Variants in CA10 observed in about 807,000 individuals in gnomAD.
CA10 encodes carbonic anhydrase-related protein 10.
A neutral mutation model predicts 44.2 loss-of-function variants in CA10; 14 were observed. That is an observed-to-expected ratio of 0.32 (90% CI 0.21 to 0.50). The LOEUF (loss-of-function observed/expected upper bound fraction) is 0.50, where lower values mean the gene tolerates loss of function less well. CA10 is among the 20% of genes least tolerant of loss of function. The pLI is 0.99. For synonymous variants in CA10, 159 were observed against 141.6 expected (o/e 1.12, Z -0.87); for missense variants, 350 against 409.7 (o/e 0.85, Z 1.26).
At chr17:52,001,200 A>G (rs1258455592) in intron 2 of CA10, among the ~76,000 whole-genome samples, 1 of 151,932 alleles carries the variant, frequency 6.6e-6, no homozygotes, top group Non-Finnish European at 1.5e-5. Flanking sequence ...ATGTTTTTAA[A>G]TTTTCAAAGG....
chr17:52,156,866 G>C (rs894516469), intron 1 of CA10, among the ~76,000 whole-genome samples: 1 of 152,150 alleles, frequency 6.6e-6, no homozygotes, highest in Non-Finnish European at 1.5e-5. Context: ...GGGGAATACT[G>C]CTGGTCCAGG....
In CA10 at chr17:52,049,056, A is replaced by C. The variant is rs145051903; in HGVS notation, c.136+23263T>G. Among the ~76,000 whole-genome samples, 185 of 152,248 alleles carry C rather than the reference A, an allele frequency of 1.2e-3. 4 individuals carry two copies. In the South Asian group the frequency reaches 0.022, roughly 18 times the overall value. On this transcript the variant is annotated intron_variant, in intron 2 of 8. Coordinates refer to ENST00000451037, the MANE Select transcript of CA10 (RefSeq NM_020178.5). ...AAATAAAATGACATATATAAGAATT[A>C]TTTTGTAGTTAAAAGCTATGAGTTT...
chr17:51,634,684 C>CA (rs542205030), intron 7 of CA10, among the ~76,000 whole-genome samples: 33 of 151,642 alleles, frequency 2.2e-4, no homozygotes, highest in South Asian at 8.4e-4. Flanking sequence ...TGAGATGATC[C>CA]AAAAAAAACA....
At chr17:51,643,637 C>G (rs1319350950) in intron 6 of CA10, among the ~76,000 whole-genome samples, 3 of 152,164 alleles carry the variant, frequency 2.0e-5, no homozygotes, top group Non-Finnish European at 4.4e-5. Flanking sequence ...TGCATGGATT[C>G]AAGCACAGGA....
At chr17:52,120,736 C>T (rs573388027) in intron 1 of CA10, among the ~76,000 whole-genome samples, 37 of 152,252 alleles carry the variant, frequency 2.4e-4, no homozygotes, top group African/African-American at 8.7e-4. Context: ...GGAATTCACG[C>T]CTCATGCAGG....
At chr17:52,058,452 T>C (rs961193866) in intron 2 of CA10, among the ~76,000 whole-genome samples, 3 of 152,142 alleles carry the variant, frequency 2.0e-5, no homozygotes, top group Admixed American at 6.6e-5. Flanking sequence ...TTTCAAACAT[T>C]ATTGTCCATC....
chr17:51,868,873 G>A (rs1299179010), intron 3 of CA10, among the ~76,000 whole-genome samples: 1 of 148,962 alleles, frequency 6.7e-6, no homozygotes, highest in Non-Finnish European at 1.5e-5. Flanking sequence ...AGTTAGCTAT[G>A]AAGCCAAAAG....
chr17:51,825,415 T>G (rs1907971514), intron 3 of CA10, among the ~76,000 whole-genome samples: 1 of 152,190 alleles, frequency 6.6e-6, no homozygotes, highest in African/African-American at 2.4e-5. Context: ...AATTAACTTA[T>G]GTAATCCCAT....
chr17:51,674,178 G>A (rs1056954662), intron 4 of CA10, among the ~76,000 whole-genome samples: 1 of 152,142 alleles, frequency 6.6e-6, no homozygotes, highest in Non-Finnish European at 1.5e-5. Flanking sequence ...GCCAGACAGT[G>A]GTTTATAGAA....
intron 3 of CA10, among the ~76,000 whole-genome samples, chr17:51,813,529 T>G (rs183022765): frequency 6.6e-6 from 1 of 152,296 alleles, no homozygotes; most frequent in Admixed American, 6.5e-5. Context: ...TAACTCACTC[T>G]CAGGTGACCC....
intron 1 of CA10, among the ~76,000 whole-genome samples, chr17:52,103,849 A>G (rs1469452956): frequency 6.6e-6 from 1 of 152,164 alleles, no homozygotes; most frequent in African/African-American, 2.4e-5. Flanking sequence ...GGATGACATG[A>G]CTTCACACTG....
chr17:52,006,874 T>G (rs943397039), intron 2 of CA10, among the ~76,000 whole-genome samples: 3 of 151,830 alleles, frequency 2.0e-5, no homozygotes, highest in African/African-American at 4.8e-5. Flanking sequence ...GTCTTCATTA[T>G]ATTAACTTTA....
chr17:51,655,909 G>A (rs1913774429), intron 4 of CA10, among the ~76,000 whole-genome samples: 1 of 152,202 alleles, frequency 6.6e-6, no homozygotes, highest in South Asian at 2.1e-4. Flanking sequence ...TCTGCCATCA[G>A]AAAGGCAACC....
chr17:51,858,436 C>A (rs1274002953), intron 3 of CA10, among the ~76,000 whole-genome samples: 1 of 152,130 alleles, frequency 6.6e-6, no homozygotes. Context: ...TTTTCCTGAA[C>A]AGATTTCAAG....
At chr17:51,713,477 G>C (rs1916006564) in intron 4 of CA10, among the ~76,000 whole-genome samples, 1 of 152,150 alleles carries the variant, frequency 6.6e-6, no homozygotes, top group Admixed American at 6.5e-5. Flanking sequence ...AATAGGGCCT[G>C]AAAAAATACA....
intron 2 of CA10, among the ~76,000 whole-genome samples, chr17:52,054,395 T>C (rs1196712680): frequency 6.6e-6 from 1 of 152,136 alleles, no homozygotes; most frequent in Non-Finnish European, 1.5e-5. Context: ...AAACTCTGTC[T>C]CCTGATAAGA....
chr17:52,141,345 C>T (rs1428338273), intron 1 of CA10, among the ~76,000 whole-genome samples: 1 of 152,156 alleles, frequency 6.6e-6, no homozygotes, highest in African/African-American at 2.4e-5. Context: ...CCACAAAAGT[C>T]AAGACAGTTC....
intron 4 of CA10, among the ~76,000 whole-genome samples, chr17:51,744,822 G>A (rs993687132): frequency 5.3e-5 from 8 of 152,120 alleles, no homozygotes; most frequent in Non-Finnish European, 1.0e-4. Flanking sequence ...GCTGAAATCC[G>A]TAAATGGGAT....
At chr17:51,650,048 G>A (rs1427826623) in intron 5 of CA10, among the ~76,000 whole-genome samples, 1 of 152,074 alleles carries the variant, frequency 6.6e-6, no homozygotes, top group Non-Finnish European at 1.5e-5. Context: ...TCTATTATGG[G>A]CCAAACATTG....
Sources: gnomAD v4.1 joint callset for allele counts (sites outside exome capture counted in the v4.1 genomes callset) on GRCh38, gnomAD v4.1.1 for gene constraint, MANE v1.5 for transcripts, NCBI Gene and HGNC (gene_info 2026-07-23, HGNC 2026-07-21) for gene names.